Variants in CDK14 observed in about 807,000 individuals in gnomAD.
CDK14 encodes cyclin dependent kinase 14.
CDK14 carries 34 observed loss-of-function variants against 60.7 expected under a neutral mutation model. The observed-to-expected ratio is 0.56, with a 90% CI of 0.43 to 0.75. CDK14 has a LOEUF of 0.75. CDK14 is among the 30% of genes least tolerant of loss of function. The probability of loss-of-function intolerance (pLI) is 0.00; values close to 1 mark genes in which losing one functional copy is unlikely to be tolerated. For synonymous variants in CDK14, 197 were observed against 203.7 expected (o/e 0.97, Z 0.28); for missense variants, 482 against 564.1 (o/e 0.85, Z 1.47).
chr7:91,185,917 C>G (rs1470554462), intron 14 of CDK14, among the ~76,000 whole-genome samples: 1 of 152,064 alleles, frequency 6.6e-6, no homozygotes, highest in Non-Finnish European at 1.5e-5. Flanking sequence ...CCCCAAACCC[C>G]CACAGCCTCA....
intron 10 of CDK14, among the ~76,000 whole-genome samples, chr7:91,016,729 TA>T (rs1796312030): frequency 6.6e-6 from 1 of 152,244 alleles, no homozygotes; most frequent in South Asian, 2.1e-4. Flanking sequence ...GTAGTTTTTA[TA>T]TTCATCATCT....
chr7:90,798,825 G>T (rs942808652), intron 5 of CDK14, among the ~76,000 whole-genome samples: 1 of 152,134 alleles, frequency 6.6e-6, no homozygotes, highest in Non-Finnish European at 1.5e-5. Context: ...TTCTGTCCTC[G>T]ATGGCAGCTT....
chr7:90,967,619 A>G (rs919158668), intron 9 of CDK14, among the ~76,000 whole-genome samples: 1 of 152,174 alleles, frequency 6.6e-6, no homozygotes, highest in Admixed American at 6.5e-5. Context: ...AAAGCCATAC[A>G]CTGGTTGATG....
intron 2 of CDK14, among the ~76,000 whole-genome samples, chr7:90,618,590 A>C (rs1255801183): frequency 1.3e-5 from 2 of 152,188 alleles, no homozygotes; most frequent in South Asian, 2.1e-4. Context: ...TTGATGTGCA[A>C]CTGGTGCAGG....
intron 14 of CDK14, among the ~76,000 whole-genome samples, chr7:91,133,794 C>A (rs144136458): frequency 0.018 from 2,728 of 152,186 alleles, 63 homozygotes; most frequent in African/African-American, 0.059. Flanking sequence ...TTGGATGGGT[C>A]CAAGTTCTTT....
intron 10 of CDK14, among the ~76,000 whole-genome samples, chr7:90,989,372 G>A (rs922510522): frequency 1.3e-5 from 2 of 152,126 alleles, no homozygotes; most frequent in African/African-American, 4.8e-5. Context: ...TACCATTACT[G>A]GATTTGCTTT....
At chr7:90,725,955 C>A (rs2116707681) in intron 2 of CDK14, among the ~76,000 whole-genome samples, 1 of 152,134 alleles carries the variant, frequency 6.6e-6, no homozygotes, top group South Asian at 2.1e-4. Context: ...AATGTTATTT[C>A]TTTTTATCCA....
intron 10 of CDK14, among the ~76,000 whole-genome samples, chr7:91,005,337 A>C (rs995423349): frequency 6.6e-6 from 1 of 152,232 alleles, no homozygotes; most frequent in Non-Finnish European, 1.5e-5. Flanking sequence ...TTCCTCGTTC[A>C]GGGTCCCTCC....
chr7:90,807,728 A>G (rs919630720), intron 5 of CDK14, among the ~76,000 whole-genome samples: 1 of 152,156 alleles, frequency 6.6e-6, no homozygotes. Flanking sequence ...AAAAACATAG[A>G]CAAATGGCTC....
intron 8 of CDK14, among the ~76,000 whole-genome samples, chr7:90,946,613 A>G (rs1040188361): frequency 2.6e-5 from 4 of 152,198 alleles, no homozygotes; most frequent in African/African-American, 4.8e-5. Context: ...GAAGAAACAT[A>G]AAAACCTCTT....
chr7:91,159,418 A>T (rs986846999), intron 14 of CDK14, among the ~76,000 whole-genome samples: 1 of 152,236 alleles, frequency 6.6e-6, no homozygotes, highest in Non-Finnish European at 1.5e-5. Context: ...CAGTGGTGAA[A>T]ATAAGCATTC....
chr7:91,036,199 T>A (rs1796930308), intron 10 of CDK14, among the ~76,000 whole-genome samples: 1 of 152,168 alleles, frequency 6.6e-6, no homozygotes, highest in Non-Finnish European at 1.5e-5. Context: ...CAGTCTGACA[T>A]GAGGGTCGGC....
At chr7:90,644,413 A>G (rs1222705378) in intron 2 of CDK14, among the ~76,000 whole-genome samples, 1 of 152,230 alleles carries the variant, frequency 6.6e-6, no homozygotes, top group Non-Finnish European at 1.5e-5. Context: ...TAATCTAATC[A>G]TTAAGTAACT....
intron 14 of CDK14, among the ~76,000 whole-genome samples, chr7:91,182,737 G>A (rs1439345733): frequency 6.6e-6 from 1 of 152,058 alleles, no homozygotes; most frequent in Non-Finnish European, 1.5e-5. Flanking sequence ...CAGCTGGAGA[G>A]AACAAAAGGA....
chr7:91,110,983 G>C (rs1223816638), intron 12 of CDK14, among the ~76,000 whole-genome samples: 2 of 152,082 alleles, frequency 1.3e-5, no homozygotes, highest in Non-Finnish European at 2.9e-5. Context: ...CCTCTTAAAG[G>C]GGAAAAAACT....
intron 3 of CDK14, among the ~76,000 whole-genome samples, chr7:90,743,763 T>C (rs35640740): frequency 0.19 from 28,848 of 152,118 alleles, 2,865 homozygotes; most frequent in South Asian, 0.24. Context: ...ATTTATTGTT[T>C]TGTAAATTCT....
intron 5 of CDK14, among the ~76,000 whole-genome samples, chr7:90,811,940 T>A (rs184613295): frequency 0.014 from 2,187 of 152,200 alleles, 18 homozygotes; most frequent in Middle Eastern, 0.027. Flanking sequence ...CCAGTTAGAA[T>A]TGCGATCATT....
Position 90,959,039 on chromosome 7 carries a change from ACTTTTT to A in CDK14, c.947+3226_947+3231del, listed in dbSNP as rs1278595111. Among the ~76,000 whole-genome samples, 4 of 152,174 alleles carry A rather than the reference ACTTTTT, an allele frequency of 2.6e-5. No homozygotes were observed. The East Asian group carries it at 7.7e-4, about 29-fold the overall frequency. On this transcript the variant is annotated intron_variant, in intron 9 of 14. Transcript: ENST00000380050. ...TGCTACTTTTTCTTGCCCGTGTGTC[ACTTTTT>A]CTTCCTCGTGTGTGTGTGTTCATTC...
chr7:90,981,620 G>A (rs966296391), intron 9 of CDK14, among the ~76,000 whole-genome samples: 2 of 152,268 alleles, frequency 1.3e-5, no homozygotes, highest in Admixed American at 6.5e-5. Flanking sequence ...TAACCCCTAG[G>A]TTTATGAAGT....
Sources: allele counts gnomAD v4.1 joint callset (sites outside exome capture counted in the v4.1 genomes callset), GRCh38; gene constraint gnomAD v4.1.1; transcripts MANE v1.5; gene names NCBI Gene and HGNC (gene_info 2026-07-23, HGNC 2026-07-21).